RGS21: variants seen among roughly 807,000 people sequenced by gnomAD.
The protein encoded by RGS21 is regulator of G protein signaling 21.
Under a neutral mutation model 18.7 loss-of-function variants are expected in RGS21, and 19 were observed. The ratio of observed to expected loss-of-function variants is 1.01; its 90% CI spans 0.71 to 1.49. The LOEUF is 1.49. Among genes scored for constraint, RGS21 ranks in the 40% most tolerant of loss-of-function variants. The pLI is 0.00. For synonymous variants in RGS21, 56 were observed against 57.8 expected (o/e 0.97, Z 0.14); for missense variants, 194 against 176.8 (o/e 1.10, Z -0.55).
intron 4 of RGS21, among the ~76,000 whole-genome samples, chr1:192,356,713 C>T (rs957605225): frequency 2.6e-5 from 4 of 151,640 alleles, no homozygotes; most frequent in African/African-American, 9.7e-5. Flanking sequence ...TATCCTATTA[C>T]TGTGATGCCA....
intron 1 of RGS21, among the ~76,000 whole-genome samples, chr1:192,325,285 G>T (rs908398501): frequency 6.6e-6 from 1 of 152,022 alleles, no homozygotes; most frequent in Admixed American, 6.6e-5. Context: ...CATCCACATT[G>T]CTGCAAAGGA....
intron 2 of RGS21, among the ~76,000 whole-genome samples, chr1:192,347,089 A>C (rs553744330): frequency 2.1e-4 from 32 of 152,294 alleles, no homozygotes; most frequent in Non-Finnish European, 3.4e-4. Context: ...AAATATTCTT[A>C]AGACTGTCAG....
intron 1 of RGS21, among the ~76,000 whole-genome samples, chr1:192,340,351 C>A (rs951636212): frequency 6.6e-6 from 1 of 151,958 alleles, no homozygotes. Flanking sequence ...TTCAATTTCA[C>A]AAAATAACTT....
At chr1:192,347,582 T>G (rs947748679) in intron 3 of RGS21, among the ~76,000 whole-genome samples, 193 bp downstream of exon 3, 11 of 152,154 alleles carry the variant, frequency 7.2e-5, no homozygotes, top group African/African-American at 2.2e-4. Context: ...AGGTTAACTC[T>G]GTACATTAAA....
chr1:192,331,752 T>C lies in RGS21; in HGVS notation c.-60-11225T>C, dbSNP rs558221163. Among the ~76,000 whole-genome samples the C allele has an allele frequency of 1.4e-4, 21 of 151,940 alleles. No individual in the cohort carries two copies. The East Asian group carries it at 2.1e-3, about 15-fold the overall frequency. ...CATGAGTTAGAAAAATAATAAAACA[T>C]TTTGAAACATTTACTACTTTAAATA... On this transcript the variant is annotated intron_variant, in intron 1 of 4. Transcript: ENST00000417209.
rs767219097 is a variant in RGS21, at chr1:192,357,976, G to A, written c.255+5763G>A. ...AGGCTCAGGTGTTCTTTACACTTCT[G>A]TGTCTCTGTGCCACTTAAAATGATC... On this transcript the variant is annotated intron_variant, in intron 4 of 4. Transcript: ENST00000417209. Among the ~76,000 whole-genome samples, 9 of 152,114 alleles carry A rather than the reference G, an allele frequency of 5.9e-5. No homozygotes were observed. The South Asian group carries it at 8.3e-4, about 14-fold the overall frequency.
Position 192,366,293 on chromosome 1 carries a change from G to A in RGS21, c.*169G>A, listed in dbSNP as rs1341302023. On this transcript the variant is annotated 3_prime_UTR_variant, in exon 5 of 5. Transcript: ENST00000417209. ...CCTGAATTTCTAACTCAGTTGTTTAGAATGTATTTGCTTTACCAGCTATTT... is the reference window on the plus strand; with the variant it reads ...CCTGAATTTCTAACTCAGTTGTTTAAAATGTATTTGCTTTACCAGCTATTT... The A allele has an allele frequency of 8.9e-6, 5 of 563,126 alleles. No homozygotes were observed. Among genetic ancestry groups the A allele is most frequent in the Non-Finnish European group, 9.3e-6 (3 of 321,978 alleles). The allele number at this position is 563,126 out of a possible 1,614,324, so 34.9% of individuals were successfully genotyped here.
intron 1 of RGS21, among the ~76,000 whole-genome samples, chr1:192,329,719 C>T (rs1293220059): frequency 6.6e-6 from 1 of 151,036 alleles, no homozygotes; most frequent in Non-Finnish European, 1.5e-5. Context: ...CTGCCTCAGG[C>T]AATAGTACAG....
chr1:192,336,763 T>C (rs1002932091), intron 1 of RGS21, among the ~76,000 whole-genome samples: 1 of 151,844 alleles, frequency 6.6e-6, no homozygotes, highest in Non-Finnish European at 1.5e-5. Context: ...AAATGAAGTT[T>C]ACAAGTTAAG....
chr1:192,317,682 G>C (rs1658439499), intron 1 of RGS21, among the ~76,000 whole-genome samples: 2 of 151,878 alleles, frequency 1.3e-5, no homozygotes, highest in South Asian at 4.1e-4. Flanking sequence ...TAAATGACTT[G>C]AGTAGAACTT....
chr1:192,340,134 T>C (rs758799155), intron 1 of RGS21, among the ~76,000 whole-genome samples: 4 of 152,088 alleles, frequency 2.6e-5, no homozygotes, highest in Admixed American at 2.0e-4. Context: ...TATGATTTCT[T>C]GTACAAGTAT....
chr1:192,358,288 A>C (rs1374702220), intron 4 of RGS21, among the ~76,000 whole-genome samples: 1 of 151,904 alleles, frequency 6.6e-6, no homozygotes, highest in African/African-American at 2.4e-5. Context: ...CCCACCTTGT[A>C]TTTCTGCCTC....
At chr1:192,326,052 T>C (rs1168672823) in intron 1 of RGS21, among the ~76,000 whole-genome samples, 1 of 152,098 alleles carries the variant, frequency 6.6e-6, no homozygotes, top group African/African-American at 2.4e-5. Flanking sequence ...CTGCGACTCA[T>C]AATGGATACT....
chr1:192,346,427 C>T (rs574294381), intron 2 of RGS21, among the ~76,000 whole-genome samples: 2 of 152,170 alleles, frequency 1.3e-5, no homozygotes, highest in Non-Finnish European at 2.9e-5. Context: ...TCAATACAAA[C>T]TTTAAATTGG....
intron 2 of RGS21, among the ~76,000 whole-genome samples, chr1:192,346,310 A>G (rs1658943347): frequency 6.6e-6 from 1 of 152,130 alleles, no homozygotes; most frequent in Non-Finnish European, 1.5e-5. Context: ...AAGCATAGGA[A>G]TCACTTCACA....
intron 2 of RGS21, among the ~76,000 whole-genome samples, chr1:192,344,795 G>C (rs1399852363): frequency 6.6e-6 from 1 of 152,070 alleles, no homozygotes; most frequent in Non-Finnish European, 1.5e-5. Flanking sequence ...GGAATGAGCT[G>C]AGGGTATTCC....
chr1:192,325,377 T>A (rs553228602), intron 1 of RGS21, among the ~76,000 whole-genome samples: 3 of 152,188 alleles, frequency 2.0e-5, no homozygotes, highest in South Asian at 4.1e-4. Context: ...TTGATGGACA[T>A]CTTGGTTGAG....
At chr1:192,341,265 G>A (rs186729941) in intron 1 of RGS21, among the ~76,000 whole-genome samples, 1 of 151,940 alleles carries the variant, frequency 6.6e-6, no homozygotes, top group Non-Finnish European at 1.5e-5. Context: ...AGGATAATCA[G>A]CTTCTCTTTT....
At chr1:192,365,891 T>A in intron 4 of RGS21, 30 bp from the exon 5 acceptor site, 1 of 1,235,272 alleles carries the variant, frequency 8.1e-7, no homozygotes, top group Non-Finnish European at 1.2e-6. Context: ...ATTAAACTAA[T>A]TCAATGATAT....
Sources: allele counts gnomAD v4.1 joint callset (sites outside exome capture counted in the v4.1 genomes callset), GRCh38; gene constraint gnomAD v4.1.1; transcripts MANE v1.5; gene names NCBI Gene and HGNC (gene_info 2026-07-23, HGNC 2026-07-21).